Variants in UBA2 observed in about 807,000 individuals in gnomAD.
UBA2 encodes the protein ubiquitin like modifier activating enzyme 2, also known as SUMO-activating enzyme subunit 2.
UBA2 carries 11 observed loss-of-function variants against 77.2 expected under a neutral mutation model. The ratio of observed to expected loss-of-function variants is 0.14; its 90% CI spans 0.09 to 0.24. The LOEUF is 0.24. Ranked by LOEUF, UBA2 falls within the 10% of genes least tolerant of loss-of-function variation. UBA2 has a pLI of 1.00. For missense variants in UBA2, 487 were observed against 781.7 expected (o/e 0.62, Z 4.50); for synonymous variants, 278 against 276.7 (o/e 1.00, Z -0.05).
intron 12 of UBA2, among the ~76,000 whole-genome samples, chr19:34,456,481 A>T (rs945474340): frequency 6.6e-6 from 1 of 152,078 alleles, no homozygotes; most frequent in Non-Finnish European, 1.5e-5. Flanking sequence ...CAAATTGCCC[A>T]GTCTGCCATC....
intron 8 of UBA2, among the ~76,000 whole-genome samples, chr19:34,449,065 CTTTTTT>C (rs11332668): frequency 4.6e-4 from 34 of 73,842 alleles, no homozygotes; most frequent in East Asian, 1.3e-3. Flanking sequence ...AAATATAAAT[CTTTTTT>C]TTTTTTTTTT....
chr19:34,441,220 C>T (rs1599899796), intron 6 of UBA2, among the ~76,000 whole-genome samples: 1 of 152,256 alleles, frequency 6.6e-6, no homozygotes, highest in African/African-American at 2.4e-5. Flanking sequence ...CTTTGGGAGG[C>T]TGAGGCGAGC....
chr19:34,457,057 G>T (rs115482441), intron 12 of UBA2, among the ~76,000 whole-genome samples: 1 of 149,280 alleles, frequency 6.7e-6, no homozygotes, highest in Non-Finnish European at 1.5e-5. Context: ...GGCCGGGCAC[G>T]ATGGCTCACA....
chr19:34,451,876 C>T, intron 9 of UBA2, 105 bp from the exon 10 acceptor site: 1 of 611,688 alleles, frequency 1.6e-6, no homozygotes, highest in Non-Finnish European at 2.5e-6. Flanking sequence ...GAATTTATTT[C>T]ATATTTGATT....
At chr19:34,435,948 C>G (rs928965630) in intron 5 of UBA2, among the ~76,000 whole-genome samples, 21 of 152,016 alleles carry the variant, frequency 1.4e-4, no homozygotes, top group African/African-American at 5.1e-4. Flanking sequence ...TGGTGAAACC[C>G]TGTCTCTACT....
chr19:34,467,108 AACT>A, intron 16 of UBA2, 94 bp downstream of exon 16: 2 of 1,429,104 alleles, frequency 1.4e-6, no homozygotes, highest in South Asian at 2.5e-5. Context: ...AAATCCATAA[AACT>A]ACTAGAGGTG....
intron 8 of UBA2, among the ~76,000 whole-genome samples, chr19:34,445,418 G>C (rs572234504): frequency 1.4e-5 from 2 of 147,922 alleles, no homozygotes; most frequent in African/African-American, 5.0e-5. Flanking sequence ...TCGTTTTCCT[G>C]CTGCTTCTCA....
intron 14 of UBA2, among the ~76,000 whole-genome samples, chr19:34,462,673 A>G (rs1408696960): frequency 1.3e-5 from 2 of 152,176 alleles, no homozygotes; most frequent in African/African-American, 4.8e-5. Flanking sequence ...TTGAGATTAT[A>G]TAGAAAATTG....
chr19:34,455,437 A>T (rs1352920153), intron 12 of UBA2, among the ~76,000 whole-genome samples: 1 of 151,542 alleles, frequency 6.6e-6, no homozygotes, highest in African/African-American at 2.4e-5. Flanking sequence ...TTCTCTTTGG[A>T]TTCCTTCCTT....
At chr19:34,450,170 G>T (rs2075476906) in intron 8 of UBA2, 95 bp from the exon 9 acceptor site, 1 of 813,086 alleles carries the variant, frequency 1.2e-6, no homozygotes, top group Admixed American at 2.8e-5. Context: ...CTTTAAATCA[G>T]ATTTCATAGT....
intron 9 of UBA2, among the ~76,000 whole-genome samples, chr19:34,451,634 G>A (rs377126767): frequency 9.3e-5 from 12 of 128,450 alleles, no homozygotes; most frequent in African/African-American, 3.5e-4. Flanking sequence ...TGCAAGCTCC[G>A]CCTCCCGGGT....
At chr19:34,431,284 C>G (rs2075252518) in intron 2 of UBA2, among the ~76,000 whole-genome samples, 1 of 114,300 alleles carries the variant, frequency 8.7e-6, no homozygotes. Context: ...TAGGGTCTCA[C>G]TCTGTCGCCC....
intron 6 of UBA2, among the ~76,000 whole-genome samples, chr19:34,441,052 C>T (rs1053339409): frequency 1.3e-5 from 2 of 151,904 alleles, no homozygotes; most frequent in African/African-American, 4.8e-5. Flanking sequence ...ATGTCATTCA[C>T]TCATTAGGAA....
chr19:34,458,716 C>T (rs535316125), intron 12 of UBA2, 53 bp from the exon 13 acceptor site: 16 of 1,499,736 alleles, frequency 1.1e-5, no homozygotes, highest in African/African-American at 4.2e-5. Flanking sequence ...GATTGTATGG[C>T]GTATAAAATT....
At chr19:34,437,215 G>A (rs1296321300) in intron 5 of UBA2, among the ~76,000 whole-genome samples, 1 of 151,174 alleles carries the variant, frequency 6.6e-6, no homozygotes, top group African/African-American at 2.4e-5. Flanking sequence ...GCCTGCCTTG[G>A]CCTCCCAAAG....
chr19:34,434,066 A>G (rs926152726), intron 4 of UBA2, among the ~76,000 whole-genome samples: 1 of 152,172 alleles, frequency 6.6e-6, no homozygotes, highest in South Asian at 2.1e-4. Flanking sequence ...TGAGTTTACA[A>G]CAAGTTGGGC....
At chr19:34,465,645 A>AG (rs2075679848) in intron 15 of UBA2, among the ~76,000 whole-genome samples, 1 of 151,180 alleles carries the variant, frequency 6.6e-6, no homozygotes, top group South Asian at 2.1e-4. Context: ...CAGAAAAAAA[A>AG]AAAAAAATGA....
rs150982980 is a variant in UBA2, at chr19:34,445,189, T to A, written c.771+68T>A. 2,340 of 1,486,150 alleles carry A rather than the reference T, an allele frequency of 1.6e-3. 5 individuals carry two copies. The highest frequency in any genetic ancestry group is 1.9e-3 in the Admixed American group (90 of 46,380). The allele number at this position is 1,486,150 out of a possible 1,614,324, so 92.1% of individuals were successfully genotyped here. A position where few individuals can be genotyped will look rare whatever the true frequency, so the allele number is the denominator to read the frequency against. ...GTGCATAGATGTATTGTTCTAGTTC[T>A]GCTTGTTTTAAAATAGTCCATAAAA... On this transcript the variant is annotated intron_variant, in intron 8 of 16. Transcript: ENST00000246548.
At chr19:34,434,232 C>T (rs1457744233) in intron 4 of UBA2, among the ~76,000 whole-genome samples, 5 of 152,180 alleles carry the variant, frequency 3.3e-5, no homozygotes, top group Non-Finnish European at 5.9e-5. Flanking sequence ...TTACCTCAAC[C>T]TCTGCAGTAG....
Sources: gnomAD v4.1 joint callset for allele counts (sites outside exome capture counted in the v4.1 genomes callset) on GRCh38, gnomAD v4.1.1 for gene constraint, MANE v1.5 for transcripts, NCBI Gene and HGNC (gene_info 2026-07-23, HGNC 2026-07-21) for gene names.